The following FOXP1 variants were observed in gnomAD, a reference collection of about 807,000 sequenced individuals.
The protein encoded by FOXP1 is forkhead box protein P1.
In FOXP1, 15 loss-of-function variants were observed where a neutral mutation model predicts 98.2. The ratio of observed to expected loss-of-function variants is 0.15; its 90% CI spans 0.10 to 0.24. The LOEUF (loss-of-function observed/expected upper bound fraction) is 0.24, where lower values mean the gene tolerates loss of function less well. FOXP1 is among the 10% of genes least tolerant of loss of function. The pLI is 1.00. For missense variants in FOXP1, 633 were observed against 848.5 expected, an observed-to-expected ratio of 0.75 and a Z score of 3.15; for synonymous variants, 371 against 314.5, an observed-to-expected ratio of 1.18 and a Z score of -1.90.
At chr3:71,305,274 A>G (rs1168908789) in intron 4 of FOXP1, among the ~76,000 whole-genome samples, 1 of 152,212 alleles carries the variant, frequency 6.6e-6, no homozygotes, top group Non-Finnish European at 1.5e-5. Flanking sequence ...GGATGCCATT[A>G]TGCACACTGA....
At chr3:71,233,663 G>A (rs777200936) in intron 5 of FOXP1, among the ~76,000 whole-genome samples, 76 of 144,398 alleles carry the variant, frequency 5.3e-4, no homozygotes, top group Non-Finnish European at 1.0e-3. Context: ...GCTGACCTCA[G>A]ATGATCTGCC....
chr3:71,534,038 G>A (rs1376365150), intron 2 of FOXP1, among the ~76,000 whole-genome samples: 1 of 152,166 alleles, frequency 6.6e-6, no homozygotes, highest in Non-Finnish European at 1.5e-5. Flanking sequence ...CAAAATCCGT[G>A]CATACTCAAG....
rs2048320848 is a variant in FOXP1 at position 71,041,416 on chromosome 3, A to G, written c.781T>C (p.Ser261Pro). ...SLDLTTTCVS[S>P]SAPSKTSLIM... Reference sequence around the variant, plus strand: ...AAGGAGGTCTTGGAAGGTGCAGAGGAGGAGACACATGTCGTGGTCAGATCC... The same window carrying G: ...AAGGAGGTCTTGGAAGGTGCAGAGGGGGAGACACATGTCGTGGTCAGATCC... The change falls in exon 11 of 21, where the codon TCC becomes CCC. Residue 261 changes from serine to proline, a missense_variant. Physicochemically the swap from Ser to Pro is moderately conservative, Grantham distance 74. Transcript: ENST00000649528. The G allele has an allele frequency of 1.2e-6, 2 of 1,613,770 alleles. No individual in the cohort carries two copies. The highest frequency in any genetic ancestry group is 1.7e-6 in the Non-Finnish European group (2 of 1,179,848).
intron 2 of FOXP1, among the ~76,000 whole-genome samples, chr3:71,513,593 T>G (rs2042353444): frequency 6.6e-6 from 1 of 152,076 alleles, no homozygotes; most frequent in Non-Finnish European, 1.5e-5. Flanking sequence ...CACCTCCACC[T>G]CTCGCACCAG....
At chr3:71,012,193 C>T (rs1388365831) in intron 12 of FOXP1, among the ~76,000 whole-genome samples, 1 of 152,140 alleles carries the variant, frequency 6.6e-6, no homozygotes, top group South Asian at 2.1e-4. Flanking sequence ...TGTTTATCAG[C>T]CATTCTACAG....
chr3:71,027,866 A>G (rs1271847152), intron 11 of FOXP1, among the ~76,000 whole-genome samples: 1 of 152,196 alleles, frequency 6.6e-6, no homozygotes, highest in Non-Finnish European at 1.5e-5. Context: ...TGATGGGTAA[A>G]AAATCAAGTT....
intron 4 of FOXP1, among the ~76,000 whole-genome samples, chr3:71,322,959 C>T (rs1037308023): frequency 6.6e-6 from 1 of 151,858 alleles, no homozygotes; most frequent in Non-Finnish European, 1.5e-5. Flanking sequence ...GGGCACAGGG[C>T]CCAAGCTCGG....
At chr3:71,269,652 G>A (rs982021501) in intron 5 of FOXP1, among the ~76,000 whole-genome samples, 9 of 152,070 alleles carry the variant, frequency 5.9e-5, no homozygotes, top group African/African-American at 1.7e-4. Context: ...CAAATTTCAC[G>A]GGCCACTAGG....
At chr3:71,195,089 G>T (rs1027914795) in intron 6 of FOXP1, among the ~76,000 whole-genome samples, 4 of 152,176 alleles carry the variant, frequency 2.6e-5, no homozygotes, top group African/African-American at 7.2e-5. Flanking sequence ...AATTGTTGCC[G>T]TTGTGGGACT....
chr3:71,286,432 G>A (rs2072148005), intron 5 of FOXP1, among the ~76,000 whole-genome samples: 2 of 150,952 alleles, frequency 1.3e-5, no homozygotes, highest in African/African-American at 4.9e-5. Flanking sequence ...GCAAAGAAGA[G>A]AACTTAAATT....
At chr3:71,348,128 T>C (rs1199323144) in intron 4 of FOXP1, among the ~76,000 whole-genome samples, 1 of 152,176 alleles carries the variant, frequency 6.6e-6, no homozygotes, top group Non-Finnish European at 1.5e-5. Flanking sequence ...TCTCTCTCTC[T>C]CTAACTATTT....
chr3:71,496,985 T>TGTGTGTGTG (rs1560567356), intron 2 of FOXP1, among the ~76,000 whole-genome samples: 1 of 151,024 alleles, frequency 6.6e-6, no homozygotes, highest in Non-Finnish European at 1.5e-5. Flanking sequence ...TGTGTGTGTG[T>TGTGTGTGTG]TGTTAAGAAT....
chr3:71,152,447 C>T (rs954750583), intron 6 of FOXP1, among the ~76,000 whole-genome samples: 4 of 152,164 alleles, frequency 2.6e-5, no homozygotes, highest in South Asian at 2.1e-4. Context: ...TAATTTATTA[C>T]GCAGCAATGG....
intron 14 of FOXP1, 38 bp downstream of exon 14, chr3:70,987,956 G>A (rs772401474): frequency 1.9e-6 from 3 of 1,588,696 alleles, no homozygotes; most frequent in South Asian, 2.2e-5. Flanking sequence ...AATACTGTGA[G>A]TTTTGTTTTT....
chr3:71,320,995 G>A (rs1249915361), intron 4 of FOXP1, among the ~76,000 whole-genome samples: 1 of 151,776 alleles, frequency 6.6e-6, no homozygotes, highest in Non-Finnish European at 1.5e-5. Context: ...CAGTGCAAAG[G>A]AAATAGAATG....
intron 2 of FOXP1, among the ~76,000 whole-genome samples, chr3:71,575,958 G>A (rs1281969967): frequency 2.0e-5 from 3 of 152,196 alleles, no homozygotes; most frequent in African/African-American, 7.2e-5. Flanking sequence ...TAAAATCAGA[G>A]CATCTGGTAA....
intron 20 of FOXP1, among the ~76,000 whole-genome samples, chr3:70,962,277 C>CTGTT (rs2033727384): frequency 1.3e-5 from 2 of 152,120 alleles, no homozygotes; most frequent in South Asian, 4.1e-4. Context: ...TTCTCTTTTA[C>CTGTT]TGTTTGTATA....
At chr3:70,983,959 GTGTTTACTTTGAGAA>G (rs2039313121) in intron 14 of FOXP1, among the ~76,000 whole-genome samples, 3 of 152,134 alleles carry the variant, frequency 2.0e-5, no homozygotes, top group Non-Finnish European at 4.4e-5. Context: ...AGACATTTGG[GTGTTTACTTTGAGAA>G]TGTTTACTGA....
At chr3:71,152,589 C>G (rs2108075012) in intron 6 of FOXP1, among the ~76,000 whole-genome samples, 1 of 152,182 alleles carries the variant, frequency 6.6e-6, no homozygotes, top group South Asian at 2.1e-4. Flanking sequence ...TGGCTCTGAC[C>G]CCCACACAGA....
Sources: gnomAD v4.1 joint callset for allele counts (sites outside exome capture counted in the v4.1 genomes callset) on GRCh38, gnomAD v4.1.1 for gene constraint, MANE v1.5 for transcripts, NCBI Gene and HGNC (gene_info 2026-07-23, HGNC 2026-07-21) for gene names.